The following ASAP1 variants were observed in gnomAD, a reference collection of about 807,000 sequenced individuals.
The protein encoded by ASAP1 is arf-GAP with SH3 domain, ANK repeat and PH domain-containing protein 1.
Under a neutral mutation model 145.2 loss-of-function variants are expected in ASAP1, and 43 were observed. That is an observed-to-expected ratio of 0.30 (90% CI 0.23 to 0.38). The LOEUF is 0.38. Among genes scored for constraint, ASAP1 ranks in the 10% least tolerant of loss-of-function variants. The probability of loss-of-function intolerance (pLI) is 1.00; values close to 1 mark genes in which losing one functional copy is unlikely to be tolerated. For missense variants in ASAP1, 1,018 were observed against 1,355.3 expected, an observed-to-expected ratio of 0.75 and a Z score of 3.91; for synonymous variants, 546 against 515.5, an observed-to-expected ratio of 1.06 and a Z score of -0.80.
intron 1 of ASAP1, among the ~76,000 whole-genome samples, chr8:130,411,574 TTC>T (rs1232588082): frequency 6.6e-6 from 1 of 152,296 alleles, no homozygotes; most frequent in African/African-American, 2.4e-5. Context: ...CTCCAATATT[TTC>T]TCAGTGCTGG....
intron 3 of ASAP1, among the ~76,000 whole-genome samples, chr8:130,296,947 T>A (rs1282342964): frequency 6.6e-6 from 1 of 152,028 alleles, no homozygotes; most frequent in East Asian, 1.9e-4. Context: ...TTTGGGGGGC[T>A]AAGTGGATGA....
intron 1 of ASAP1, among the ~76,000 whole-genome samples, chr8:130,440,810 T>A (rs975573612): frequency 6.6e-6 from 1 of 152,186 alleles, no homozygotes; most frequent in African/African-American, 2.4e-5. Context: ...CAGTTCCTTC[T>A]CCATTTTCCA....
At chr8:130,099,133 T>C (rs2135478393) in intron 24 of ASAP1, among the ~76,000 whole-genome samples, 1 of 151,036 alleles carries the variant, frequency 6.6e-6, no homozygotes, top group Middle Eastern at 3.4e-3. Flanking sequence ...CCTACCTCAG[T>C]CTGCCCAGTA....
At chr8:130,371,579 T>C (rs1827215105) in intron 2 of ASAP1, among the ~76,000 whole-genome samples, 1 of 152,232 alleles carries the variant, frequency 6.6e-6, no homozygotes, top group African/African-American at 2.4e-5. Context: ...TTTGGTAAAG[T>C]GCCTTAAAAA....
chr8:130,109,109 G>T (rs2097542537), intron 24 of ASAP1, among the ~76,000 whole-genome samples: 2 of 152,134 alleles, frequency 1.3e-5, no homozygotes, highest in South Asian at 2.1e-4. Context: ...CAGTAGAAGT[G>T]GGGTGGGGGC....
rs537878636 is a variant in ASAP1 at position 130,390,867 on chromosome 8, G to A, written c.59+11018C>T. Among the ~76,000 whole-genome samples the A allele has an allele frequency of 2.6e-5, 4 of 152,112 alleles. No homozygotes were observed. The South Asian group carries it at 6.2e-4, about 24-fold the overall frequency. On this transcript the variant is annotated intron_variant, in intron 2 of 29. Transcript: ENST00000518721. ...AGAATGTAAAATGGAAAACAGCCTG[G>A]CTGTTCCTCAAAAAAGTAAACATGG...
intron 12 of ASAP1, 59 bp from the exon 13 acceptor site, chr8:130,152,864 C>A: frequency 7.7e-7 from 1 of 1,292,780 alleles, no homozygotes; most frequent in Non-Finnish European, 1.1e-6. Flanking sequence ...GGACATGCGA[C>A]GATACAGTAT....
chr8:130,223,648 A>G (rs2136522971), intron 4 of ASAP1, among the ~76,000 whole-genome samples: 1 of 152,132 alleles, frequency 6.6e-6, no homozygotes, highest in South Asian at 2.1e-4. Flanking sequence ...GGGGTTATTA[A>G]AGGAAATAGA....
chr8:130,310,367 C>A (rs1336957512), intron 3 of ASAP1, among the ~76,000 whole-genome samples: 1 of 152,146 alleles, frequency 6.6e-6, no homozygotes, highest in African/African-American at 2.4e-5. Context: ...GCCAAGACCA[C>A]TTATTTTTAA....
intron 2 of ASAP1, among the ~76,000 whole-genome samples, chr8:130,364,958 AAC>A (rs1826883884): frequency 6.6e-6 from 1 of 152,182 alleles, no homozygotes. Flanking sequence ...AATAAAATAA[AAC>A]ACAAAAAACA....
chr8:130,233,829 T>A (rs2136640297), intron 4 of ASAP1, among the ~76,000 whole-genome samples: 1 of 152,290 alleles, frequency 6.6e-6, no homozygotes, highest in African/African-American at 2.4e-5. Context: ...AGGTGCTCAA[T>A]AAATATCTTT....
At chr8:130,380,386 TG>T (rs936969072) in intron 2 of ASAP1, among the ~76,000 whole-genome samples, 10 of 152,180 alleles carry the variant, frequency 6.6e-5, no homozygotes, top group African/African-American at 2.4e-4. Context: ...CCAGCACTTC[TG>T]ACCTGCCCTG....
intron 1 of ASAP1, among the ~76,000 whole-genome samples, chr8:130,433,344 T>G (rs1489952543): frequency 6.6e-6 from 1 of 152,190 alleles, no homozygotes; most frequent in African/African-American, 2.4e-5. Context: ...TTCTCAGCCT[T>G]GAATACCCTT....
At chr8:130,055,791 C>T (rs970210945) in intron 29 of ASAP1, among the ~76,000 whole-genome samples, 5 of 152,162 alleles carry the variant, frequency 3.3e-5, no homozygotes, top group Admixed American at 6.5e-5. Flanking sequence ...AATGCCAAAT[C>T]GATAGAGAGG....
At position 130,177,654 on chromosome 8, in the gene ASAP1, T is replaced by C. The variant is rs145121183; in HGVS notation, c.746+1610A>G. Among the ~76,000 whole-genome samples the C allele has an allele frequency of 9.2e-5, 14 of 152,314 alleles. No homozygotes were observed. In the East Asian group the frequency reaches 2.7e-3, roughly 29 times the overall value. ...GAAAACTTTCTACTTCAATATATTA[T>C]TTTTATTTTTGAAAGACACTTATAT... On this transcript the variant is annotated intron_variant, in intron 9 of 29. Coordinates refer to ENST00000518721, the MANE Select transcript of ASAP1 (RefSeq NM_018482.4).
At chr8:130,360,961 GCTCT>G (rs1431485033) in intron 2 of ASAP1, 6 of 152,582 alleles carry the variant, frequency 3.9e-5, no homozygotes, top group African/African-American at 1.4e-4. Context: ...AGCTAATTAA[GCTCT>G]CTGAGACTCA....
intron 27 of ASAP1, among the ~76,000 whole-genome samples, chr8:130,073,751 A>G (rs1215822615): frequency 6.6e-6 from 1 of 152,208 alleles, no homozygotes; most frequent in African/African-American, 2.4e-5. Context: ...GGATGGATCA[A>G]TCTTGGCTCT....
At chr8:130,306,503 A>G (rs1421451028) in intron 3 of ASAP1, among the ~76,000 whole-genome samples, 1 of 152,194 alleles carries the variant, frequency 6.6e-6, no homozygotes. Flanking sequence ...ATTAACATAA[A>G]GCCCCCAAGG....
chr8:130,148,792 T>C (rs2097639122), intron 13 of ASAP1, among the ~76,000 whole-genome samples: 2 of 152,204 alleles, frequency 1.3e-5, no homozygotes, highest in African/African-American at 4.8e-5. Flanking sequence ...GAAATGATAA[T>C]AGTTTAGTCG....
Sources: allele counts gnomAD v4.1 joint callset (sites outside exome capture counted in the v4.1 genomes callset), GRCh38; gene constraint gnomAD v4.1.1; transcripts MANE v1.5; gene names NCBI Gene and HGNC (gene_info 2026-07-23, HGNC 2026-07-21).